The following PDGFC variants were observed in gnomAD, a reference collection of about 807,000 sequenced individuals.
The protein encoded by PDGFC is platelet derived growth factor C, also known as platelet-derived growth factor C.
A neutral mutation model predicts 35.5 loss-of-function variants in PDGFC; 12 were observed. The ratio of observed to expected loss-of-function variants is 0.34; its 90% confidence interval spans 0.22 to 0.55. PDGFC has a LOEUF of 0.55. PDGFC is among the 20% of genes least tolerant of loss of function. The probability of loss-of-function intolerance (pLI) is 0.91; values close to 1 mark genes in which losing one functional copy is unlikely to be tolerated. For missense variants in PDGFC, 322 were observed against 412.4 expected (o/e 0.78, Z 1.90); for synonymous variants, 159 against 148.8 (o/e 1.07, Z -0.50).
At chr4:156,833,343 A>G (rs1202908145) in intron 2 of PDGFC, among the ~76,000 whole-genome samples, 2 of 152,234 alleles carry the variant, frequency 1.3e-5, no homozygotes, top group East Asian at 1.9e-4. Context: ...GCACGTATTA[A>G]GTCTGTGACT....
chr4:156,870,068 T>C (rs1369277842), intron 1 of PDGFC, among the ~76,000 whole-genome samples: 1 of 152,046 alleles, frequency 6.6e-6, no homozygotes. Context: ...TACTGTAAGG[T>C]TCAGACTTTC....
At chr4:156,900,081 T>G (rs1205453176) in intron 1 of PDGFC, among the ~76,000 whole-genome samples, 1 of 152,188 alleles carries the variant, frequency 6.6e-6, no homozygotes, top group Non-Finnish European at 1.5e-5. Context: ...GAATCAAAGA[T>G]ATGTGAAACT....
At chr4:156,802,050 TGTG>T (rs1731626197) in intron 3 of PDGFC, among the ~76,000 whole-genome samples, 1 of 152,178 alleles carries the variant, frequency 6.6e-6, no homozygotes, top group South Asian at 2.1e-4. Flanking sequence ...TCTTGCAACA[TGTG>T]GTTACTATAT....
intron 1 of PDGFC, among the ~76,000 whole-genome samples, chr4:156,945,883 G>A (rs2110922523): frequency 6.6e-6 from 1 of 152,118 alleles, no homozygotes; most frequent in East Asian, 1.9e-4. Flanking sequence ...TTATCAGAAG[G>A]ATTTCAGCCC....
At chr4:156,932,410 G>T (rs1183920570) in intron 1 of PDGFC, among the ~76,000 whole-genome samples, 2 of 152,028 alleles carry the variant, frequency 1.3e-5, no homozygotes, top group Admixed American at 1.3e-4. Context: ...ATACCCAAAG[G>T]ATTATAAATC....
chr4:156,910,206 T>C (rs760381295), intron 1 of PDGFC, among the ~76,000 whole-genome samples: 1 of 152,174 alleles, frequency 6.6e-6, no homozygotes, highest in Non-Finnish European at 1.5e-5. Flanking sequence ...TTGTGGTTTT[T>C]AACTTTTTAA....
intron 1 of PDGFC, among the ~76,000 whole-genome samples, chr4:156,969,368 C>G (rs1445848305): frequency 6.6e-6 from 1 of 152,212 alleles, no homozygotes; most frequent in Non-Finnish European, 1.5e-5. Context: ...GCCCTTTGAT[C>G]AGCAGCTCAA....
chr4:156,941,175 C>T (rs910416635), intron 1 of PDGFC, among the ~76,000 whole-genome samples: 5 of 152,192 alleles, frequency 3.3e-5, no homozygotes, highest in Middle Eastern at 6.8e-3. Flanking sequence ...ACCATACTGA[C>T]GCAGTGATCA....
At chr4:156,934,940 G>A (rs1453784954) in intron 1 of PDGFC, among the ~76,000 whole-genome samples, 1 of 152,020 alleles carries the variant, frequency 6.6e-6, no homozygotes, top group Non-Finnish European at 1.5e-5. Context: ...CCTTCTTCTG[G>A]AATCTGTCCT....
chr4:156,804,021 A>C (rs560683298), intron 3 of PDGFC, among the ~76,000 whole-genome samples: 2 of 152,210 alleles, frequency 1.3e-5, no homozygotes, highest in Non-Finnish European at 2.9e-5. Context: ...TGGTACAATA[A>C]ATACAAGTGC....
intron 1 of PDGFC, among the ~76,000 whole-genome samples, chr4:156,936,212 T>C (rs7676742): frequency 6.6e-6 from 1 of 152,186 alleles, no homozygotes; most frequent in Non-Finnish European, 1.5e-5. Context: ...AGAATGAGTT[T>C]CAAAAAGTAT....
At chr4:156,797,752 T>C (rs887539223) in intron 3 of PDGFC, among the ~76,000 whole-genome samples, 2 of 152,026 alleles carry the variant, frequency 1.3e-5, no homozygotes, top group Non-Finnish European at 2.9e-5. Flanking sequence ...AAGCTTGGAG[T>C]TGGTCACCTG....
chr4:156,763,571 G>A (rs1387719173), intron 5 of PDGFC, among the ~76,000 whole-genome samples: 4 of 151,948 alleles, frequency 2.6e-5, no homozygotes, highest in African/African-American at 4.8e-5. Context: ...TCTGTTTGTC[G>A]CTTTCTTTCA....
chr4:156,946,556 A>G (rs531933273), intron 1 of PDGFC, among the ~76,000 whole-genome samples: 1 of 152,190 alleles, frequency 6.6e-6, no homozygotes, highest in South Asian at 2.1e-4. Context: ...CTGAGGTAAT[A>G]GTGAGCTCAA....
intron 1 of PDGFC, among the ~76,000 whole-genome samples, chr4:156,966,049 T>C (rs753383247): frequency 6.6e-6 from 1 of 152,134 alleles, no homozygotes; most frequent in Admixed American, 6.5e-5. Flanking sequence ...TCATTGGAAA[T>C]ATTTCAACAT....
chr4:156,857,565 G>C (rs1729612383), intron 1 of PDGFC, among the ~76,000 whole-genome samples: 1 of 152,018 alleles, frequency 6.6e-6, no homozygotes, highest in South Asian at 2.1e-4. Flanking sequence ...TAAGAAATGG[G>C]GGCCTGTGTT....
At chr4:156,873,368 A>G (rs934189467) in intron 1 of PDGFC, among the ~76,000 whole-genome samples, 5 of 152,138 alleles carry the variant, frequency 3.3e-5, no homozygotes, top group Non-Finnish European at 7.4e-5. Flanking sequence ...ATCTCCTTCC[A>G]GGTATTTGGT....
At chr4:156,897,324 G>T (rs1400362621) in intron 1 of PDGFC, among the ~76,000 whole-genome samples, 1 of 147,272 alleles carries the variant, frequency 6.8e-6, no homozygotes, top group Non-Finnish European at 1.5e-5. Context: ...CAGAGAGAGA[G>T]AATATGAGAG....
At chr4:156,769,301 T>A (rs751764187) in intron 4 of PDGFC, among the ~76,000 whole-genome samples, 1 of 151,970 alleles carries the variant, frequency 6.6e-6, no homozygotes, top group Non-Finnish European at 1.5e-5. Context: ...AATTTTTAAG[T>A]GACAAGGTAA....
Sources: gnomAD v4.1 joint callset for allele counts (sites outside exome capture counted in the v4.1 genomes callset) on GRCh38, gnomAD v4.1.1 for gene constraint, MANE v1.5 for transcripts, NCBI Gene and HGNC (gene_info 2026-07-23, HGNC 2026-07-21) for gene names.